The following RABGAP1L variants were observed in gnomAD, a reference collection of about 807,000 sequenced individuals.
RABGAP1L encodes rab GTPase-activating protein 1-like.
RABGAP1L carries 63 observed loss-of-function variants against 137.7 expected under a neutral mutation model. The observed-to-expected ratio is 0.46, with a 90% CI of 0.37 to 0.56. The LOEUF (loss-of-function observed/expected upper bound fraction) is 0.56. Ranked by LOEUF, RABGAP1L falls within the 20% of genes least tolerant of loss-of-function variation. The probability of loss-of-function intolerance (pLI) is 0.00; values close to 1 mark genes in which losing one functional copy is unlikely to be tolerated. For synonymous variants in RABGAP1L, 431 were observed against 433.7 expected (o/e 0.99, Z 0.08); for missense variants, 1,095 against 1,244.0 (o/e 0.88, Z 1.80).
At chr1:174,484,516 G>T (rs537305022) in intron 13 of RABGAP1L, among the ~76,000 whole-genome samples, 39 of 152,236 alleles carry the variant, frequency 2.6e-4, no homozygotes, top group African/African-American at 8.9e-4. Flanking sequence ...ATATTTTCTT[G>T]TAGTGGTTTT....
At chr1:174,339,878 A>G (rs1175187827) in intron 11 of RABGAP1L, among the ~76,000 whole-genome samples, 1 of 152,146 alleles carries the variant, frequency 6.6e-6, no homozygotes, top group African/African-American at 2.4e-5. Context: ...AAGTGCTGGA[A>G]TTACAGGTGT....
At chr1:174,198,920 C>T (rs1007391279) in intron 1 of RABGAP1L, among the ~76,000 whole-genome samples, 4 of 152,070 alleles carry the variant, frequency 2.6e-5, no homozygotes, top group Non-Finnish European at 4.4e-5. Context: ...ACCAGCCTCA[C>T]CAACATGGAG....
chr1:174,926,678 T>G (rs1558241209), intron 19 of RABGAP1L, among the ~76,000 whole-genome samples: 4 of 152,238 alleles, frequency 2.6e-5, no homozygotes, highest in Non-Finnish European at 5.9e-5. Flanking sequence ...TCTAATTAAA[T>G]GACTACAATC....
At chr1:174,724,907 T>C (rs576899646) in intron 17 of RABGAP1L, among the ~76,000 whole-genome samples, 71 of 152,134 alleles carry the variant, frequency 4.7e-4, no homozygotes, top group African/African-American at 1.7e-3. Flanking sequence ...GAAATCACGG[T>C]GATGAGTAGG....
intron 19 of RABGAP1L, among the ~76,000 whole-genome samples, chr1:174,851,072 C>T (rs1648239024): frequency 6.6e-6 from 1 of 152,208 alleles, no homozygotes; most frequent in South Asian, 2.1e-4. Context: ...GAGAGTCCAG[C>T]CCAACAGGCA....
intron 8 of RABGAP1L, among the ~76,000 whole-genome samples, chr1:174,275,362 T>C (rs1373523744): frequency 6.6e-6 from 1 of 152,162 alleles, no homozygotes; most frequent in Admixed American, 6.6e-5. Context: ...TAAATTAATA[T>C]TTTAAGAATT....
chr1:174,769,432 G>C lies in RABGAP1L; in HGVS notation c.2211+17078G>C, dbSNP rs569919774. On this transcript the variant is annotated intron_variant, in intron 18 of 25. Coordinates refer to ENST00000681986, the MANE Select transcript of RABGAP1L (RefSeq NM_001366446.1). ...TTCTATAATAGTGATGTTATCTACA[G>C]GAGTAATTGGGAAAGTTGCATATCT... Among the ~76,000 whole-genome samples, 4 of 152,270 alleles carry C rather than the reference G, an allele frequency of 2.6e-5. No individual in the cohort carries two copies. The South Asian group carries it at 8.3e-4, about 32-fold the overall frequency.
At chr1:174,717,563 G>A (rs570651401) in intron 17 of RABGAP1L, among the ~76,000 whole-genome samples, 2 of 152,154 alleles carry the variant, frequency 1.3e-5, no homozygotes, top group Non-Finnish European at 2.9e-5. Flanking sequence ...CTGAAAAACA[G>A]CTTAAAATAA....
chr1:174,349,341 C>T (rs1238522637), intron 11 of RABGAP1L, among the ~76,000 whole-genome samples: 1 of 122,434 alleles, frequency 8.2e-6, no homozygotes, highest in Non-Finnish European at 1.7e-5. Flanking sequence ...GATGGGGCCA[C>T]TGGCCGGGCA....
At chr1:174,320,663 C>T (rs1679878394) in intron 11 of RABGAP1L, among the ~76,000 whole-genome samples, 1 of 152,094 alleles carries the variant, frequency 6.6e-6, no homozygotes, top group Non-Finnish European at 1.5e-5. Flanking sequence ...TTACTGCAGT[C>T]TCTGAACATA....
chr1:174,355,130 T>G (rs1214653826), intron 11 of RABGAP1L, among the ~76,000 whole-genome samples: 2 of 152,156 alleles, frequency 1.3e-5, no homozygotes, highest in Admixed American at 1.3e-4. Flanking sequence ...CCCAGAGGAT[T>G]ATAAATCATA....
chr1:174,218,453 A>G lies in RABGAP1L; in HGVS notation c.-33-672A>G, dbSNP rs553807661. Among the ~76,000 whole-genome samples the G allele has an allele frequency of 6.6e-5, 10 of 152,264 alleles. No homozygotes were observed. The East Asian group carries it at 1.3e-3, about 21-fold the overall frequency. On this transcript the variant is annotated intron_variant, in intron 1 of 25. Transcript: ENST00000681986. The stretch of plus-strand genomic sequence containing the variant: ...GGATATGATAGTGAGTGTTGTTTCT[A>G]TGCTGTAGAGATCTATCCAGAAAAC...
chr1:174,942,181 G>A (rs981172324), intron 19 of RABGAP1L, among the ~76,000 whole-genome samples: 1 of 152,178 alleles, frequency 6.6e-6, no homozygotes, highest in African/African-American at 2.4e-5. Flanking sequence ...GACACACTGG[G>A]ACTGATGTCA....
intron 13 of RABGAP1L, among the ~76,000 whole-genome samples, chr1:174,542,763 A>G (rs9701339): frequency 8.5e-5 from 13 of 152,162 alleles, no homozygotes; most frequent in South Asian, 2.1e-4. Flanking sequence ...ACATTGCTTT[A>G]AATGTGTCCC....
intron 13 of RABGAP1L, among the ~76,000 whole-genome samples, chr1:174,611,500 G>A (rs1262084233): frequency 6.7e-6 from 1 of 149,584 alleles, no homozygotes; most frequent in South Asian, 2.2e-4. Flanking sequence ...GATGCCTCCA[G>A]CTTTGTTCTT....
At chr1:174,618,120 T>G (rs1443579607) in intron 13 of RABGAP1L, among the ~76,000 whole-genome samples, 1 of 152,094 alleles carries the variant, frequency 6.6e-6, no homozygotes, top group Non-Finnish European at 1.5e-5. Context: ...TGCTGAGGCT[T>G]GAGTAGGTAA....
At chr1:174,985,249 C>T (rs751340002) in intron 24 of RABGAP1L, among the ~76,000 whole-genome samples, 6 of 152,050 alleles carry the variant, frequency 3.9e-5, no homozygotes, top group Non-Finnish European at 8.8e-5. Context: ...AAAAATTAGC[C>T]GGATGTGGTG....
intron 19 of RABGAP1L, among the ~76,000 whole-genome samples, chr1:174,927,598 T>C (rs1217294299): frequency 6.6e-6 from 1 of 152,164 alleles, no homozygotes; most frequent in Admixed American, 6.5e-5. Context: ...TGGAGTGCAA[T>C]GGCTAGTCAC....
At chr1:174,252,970 AATAC>A (rs533671736) in intron 7 of RABGAP1L, among the ~76,000 whole-genome samples, 38 of 152,316 alleles carry the variant, frequency 2.5e-4, no homozygotes, top group South Asian at 1.0e-3. Context: ...AAAATATATA[AATAC>A]ATACACATAT....
Sources: gnomAD v4.1 joint callset for allele counts (sites outside exome capture counted in the v4.1 genomes callset) on GRCh38, gnomAD v4.1.1 for gene constraint, MANE v1.5 for transcripts, NCBI Gene and HGNC (gene_info 2026-07-23, HGNC 2026-07-21) for gene names.